Variants in APPL2 observed in about 807,000 individuals in gnomAD.
APPL2 encodes the protein adaptor protein, phosphotyrosine interacting with PH domain and leucine zipper 2.
In APPL2, 84 loss-of-function variants were observed where a neutral mutation model predicts 92.7. That is an observed-to-expected ratio of 0.91 (90% CI 0.76 to 1.09). The LOEUF is 1.09. Ranked by LOEUF, APPL2 falls within the 50% of genes least tolerant of loss-of-function variation. The pLI, the probability that APPL2 is intolerant of heterozygous loss-of-function variation, is 0.00. For synonymous variants in APPL2, 291 were observed against 291.0 expected (o/e 1.00, Z 0.00); for missense variants, 736 against 824.5 (o/e 0.89, Z 1.31).
chr12:105,229,654 G>A, intron 1 of APPL2: 1 of 990,192 alleles, frequency 1.0e-6, no homozygotes, highest in African/African-American at 1.7e-5. Context: ...TAGCACAGCT[G>A]TAGTGTGATC....
chr12:105,184,913 C>G (rs939554863), intron 17 of APPL2, among the ~76,000 whole-genome samples: 2 of 78,478 alleles, frequency 2.5e-5, no homozygotes, highest in African/African-American at 6.8e-5. Flanking sequence ...TCTGTAAGCC[C>G]CTGACTGGGG....
At chr12:105,181,997 C>T (rs1191219596) in intron 17 of APPL2, among the ~76,000 whole-genome samples, 1 of 152,180 alleles carries the variant, frequency 6.6e-6, no homozygotes, top group East Asian at 1.9e-4. Context: ...TTCTTGTCTT[C>T]TGCTAGCTTT....
chr12:105,176,391 T>C, intron 19 of APPL2: 1 of 501,164 alleles, frequency 2.0e-6, no homozygotes, highest in Non-Finnish European at 3.4e-6. Flanking sequence ...GATATGTCCA[T>C]ATACACAGTG....
At chr12:105,211,409 C>A in intron 4 of APPL2, 92 bp from the exon 5 acceptor site, 9 of 905,270 alleles carry the variant, frequency 9.9e-6, no homozygotes, top group South Asian at 1.5e-5. Context: ...TGAACACTTC[C>A]GTGTGGTCAC....
chr12:105,186,094 G>C (rs911098708), intron 17 of APPL2, among the ~76,000 whole-genome samples: 14 of 152,228 alleles, frequency 9.2e-5, no homozygotes, highest in African/African-American at 2.9e-4. Context: ...CCATGTTGTA[G>C]CACTTATCAG....
In APPL2 at chr12:105,200,852, GTATGTATGTATGTATCTATC is replaced by G. The variant is rs1371109454; in HGVS notation, c.705-1341_705-1322del. On this transcript the variant is annotated intron_variant, in intron 9 of 20. Coordinates refer to ENST00000258530, the MANE Select transcript of APPL2 (RefSeq NM_018171.5). ...TCTACGTATGTATGTATGTATGTAT[GTATGTATGTATGTATCTATC>G]TATCTATCTATCTATCTATCTATCT... 9.8e-3 allele frequency among the ~76,000 whole-genome samples: 1,345 copies of G among 137,030 alleles called. 30 individuals carry two copies. The highest frequency in any genetic ancestry group is 0.033 in the African/African-American group (1,161 of 35,646). 89.9% of individuals were successfully genotyped at this position (137,030 alleles called of 152,430 possible).
At chr12:105,230,804 T>C (rs3829296) in intron 1 of APPL2, among the ~76,000 whole-genome samples, 29,776 of 152,196 alleles carry the variant, frequency 0.2, 3,110 homozygotes, top group East Asian at 0.34. Flanking sequence ...CCAGGACTAA[T>C]GTACTGTCTT....
chr12:105,210,145 A>G (rs1321786540), intron 5 of APPL2, among the ~76,000 whole-genome samples: 2 of 152,128 alleles, frequency 1.3e-5, no homozygotes, highest in Non-Finnish European at 1.5e-5. Context: ...TAGTTTTAGT[A>G]GAGACGAGGT....
In APPL2 at chr12:105,208,168, G is replaced by A. The variant is rs760467634; in HGVS notation, c.405C>T (p.Leu135=). Residue 135 remains leucine, a synonymous_variant, in exon 6 of 21, where the codon CTC becomes CTT. Coordinates refer to ENST00000258530, the MANE Select transcript of APPL2 (RefSeq NM_018171.5). ...GGAGAAGGTGCCTACCATTGCTAGCGAGTCCAAATAGATCCTTTAAAGTGC... is the reference window on the plus strand; with the variant it reads ...GGAGAAGGTGCCTACCATTGCTAGCAAGTCCAAATAGATCCTTTAAAGTGC... ...EVSTLKDLFG[L]ASNEHDLSMA... 26 of 1,614,106 alleles carry A rather than the reference G, an allele frequency of 1.6e-5. No homozygotes were observed. The highest frequency in any genetic ancestry group is 1.6e-4 in the East Asian group (7 of 44,898).
chr12:105,196,112 G>A (rs1451325922), intron 11 of APPL2, among the ~76,000 whole-genome samples: 2 of 151,818 alleles, frequency 1.3e-5, no homozygotes, highest in Non-Finnish European at 2.9e-5. Flanking sequence ...GTCTGGCTCT[G>A]CCCTGATTCA....
intron 11 of APPL2, 113 bp from the exon 12 acceptor site, chr12:105,195,740 G>A: frequency 8.4e-7 from 1 of 1,187,550 alleles, no homozygotes. Context: ...CATGAAGGCA[G>A]CATGATGAGA....
chr12:105,223,118 G>A (rs768991657), intron 2 of APPL2, among the ~76,000 whole-genome samples: 2 of 152,220 alleles, frequency 1.3e-5, no homozygotes, highest in Non-Finnish European at 2.9e-5. Context: ...AGAGAGCCAC[G>A]GAGGCGTCTG....
In APPL2 at chr12:105,174,438, G is replaced by A. The variant is rs1241389954; in HGVS notation, c.1871C>T (p.Ala624Val). The part of the protein sequence containing the change: ...EIIEVQKDPE[A>V]LAQLMLSIPL... Reference sequence around the variant, plus strand: ...TATGGACAGCATTAATTGAGCCAGTGCTTCTGGATCCTGAAGTTAGGAGAG... The same window carrying A: ...TATGGACAGCATTAATTGAGCCAGTACTTCTGGATCCTGAAGTTAGGAGAG... Residue 624 changes from alanine to valine, a missense_variant, in exon 21 of 21, where the codon GCA becomes GTA. By Grantham distance (64) the Ala-to-Val change is moderately conservative. Coordinates refer to ENST00000258530, the MANE Select transcript of APPL2 (RefSeq NM_018171.5). 6.2e-7 allele frequency: 1 copy of A among 1,612,830 alleles called. No individual in the cohort carries two copies.
intron 1 of APPL2, among the ~76,000 whole-genome samples, chr12:105,233,759 T>C (rs998663824): frequency 6.6e-6 from 1 of 152,244 alleles, no homozygotes; most frequent in African/African-American, 2.4e-5. Context: ...TTATGGTGTA[T>C]AATTCTAAGC....
intron 8 of APPL2, among the ~76,000 whole-genome samples, 192 bp from the exon 9 acceptor site, chr12:105,203,977 C>T (rs1335703748): frequency 6.6e-6 from 1 of 152,196 alleles, no homozygotes; most frequent in Non-Finnish European, 1.5e-5. Context: ...CAGTTGCTGG[C>T]TTTTGGGTGC....
At chr12:105,206,367 G>A (rs4964339) in intron 8 of APPL2, among the ~76,000 whole-genome samples, 25,851 of 152,090 alleles carry the variant, frequency 0.17, 2,476 homozygotes, top group East Asian at 0.25. Context: ...ACGGGCCAAA[G>A]GATGGCTTTG....
At chr12:105,233,288 A>G (rs1891051333) in intron 1 of APPL2, 1 of 985,356 alleles carries the variant, frequency 1.0e-6, no homozygotes, top group Non-Finnish European at 1.2e-6. Context: ...CCAGGCAAGG[A>G]GCAGAGGCTT....
chr12:105,228,897 TG>T lies in APPL2; in HGVS notation c.153+227del, dbSNP rs201525391. Among the ~76,000 whole-genome samples the T allele has an allele frequency of 2.8e-3, 429 of 152,356 alleles. 16 individuals are homozygous for T. In the East Asian group the frequency reaches 0.07, roughly 25 times the overall value. On this transcript the variant is annotated intron_variant, in intron 2 of 20. Transcript: ENST00000258530. ...TAAAAAAAAAAATTAGGAGCAGTTA[TG>T]TGGCCCATCTCTAATGGTTCTAATT...
At chr12:105,214,140 C>T (rs551940341) in intron 4 of APPL2, among the ~76,000 whole-genome samples, 19 of 152,228 alleles carry the variant, frequency 1.2e-4, no homozygotes, top group Non-Finnish European at 2.4e-4. Flanking sequence ...GAGCCAAGAT[C>T]GTGCCATTGC....
Sources: allele counts gnomAD v4.1 joint callset (sites outside exome capture counted in the v4.1 genomes callset), GRCh38; gene constraint gnomAD v4.1.1; transcripts MANE v1.5; gene names NCBI Gene and HGNC (gene_info 2026-07-23, HGNC 2026-07-21).